Variants in DPYSL2 observed in about 807,000 individuals in gnomAD.
The protein encoded by DPYSL2 is dihydropyrimidinase-related protein 2.
In DPYSL2, 13 loss-of-function variants were observed where a neutral mutation model predicts 69.9. That is an observed-to-expected ratio of 0.19 (90% CI 0.12 to 0.30). The LOEUF (loss-of-function observed/expected upper bound fraction) is 0.30, where lower values mean the gene tolerates loss of function less well. Ranked by LOEUF, DPYSL2 falls within the 10% of genes least tolerant of loss-of-function variation. DPYSL2 has a pLI of 1.00. For synonymous variants in DPYSL2, 326 were observed against 359.1 expected, an observed-to-expected ratio of 0.91 and a Z score of 1.04; for missense variants, 587 against 918.9, an observed-to-expected ratio of 0.64 and a Z score of 4.67.
Position 26,516,523 on chromosome 8 carries a change from C to T in DPYSL2, c.354+1844C>T, listed in dbSNP as rs1263838556. Among the ~76,000 whole-genome samples the T allele has an allele frequency of 6.6e-6, 1 of 152,168 alleles. No individual in the cohort carries two copies. The highest frequency in any genetic ancestry group is 1.5e-5 in the Non-Finnish European group (1 of 68,026). The stretch of plus-strand genomic sequence containing the variant: ...GGCCCACCCCTATCATGAATTAGAA[C>T]TCAAGTTTGAAAGGCATAGTTTTAT... On this transcript the variant is annotated intron_variant, in intron 1 of 13. Coordinates refer to ENST00000521913, the MANE Select transcript of DPYSL2 (RefSeq NM_001197293.3). The surrounding 1 kb of genome is among the most constrained non-coding windows in gnomAD (Gnocchi z 4.8).
At position 26,560,119 on chromosome 8, in the gene DPYSL2, T is replaced by C. The variant is rs539172279; in HGVS notation, c.355-21850T>C. On this transcript the variant is annotated intron_variant, in intron 1 of 13. Coordinates refer to ENST00000521913, the MANE Select transcript of DPYSL2 (RefSeq NM_001197293.3). The surrounding 1 kb of genome is among the most constrained non-coding windows in gnomAD (Gnocchi z 4.4). The stretch of plus-strand genomic sequence containing the variant: ...ATGCAGATATGCTAAGCAGAGTTGG[T>C]TTAGCAGAAGACAGGGTGTAATAAT... 5.3e-4 allele frequency among the ~76,000 whole-genome samples: 80 copies of C among 152,302 alleles called. No homozygotes were observed. Among genetic ancestry groups the C allele is most frequent in the African/African-American group, 1.9e-3 (80 of 41,544 alleles).
rs1164186668 is a variant in DPYSL2, at chr8:26,609,591, C to T, written c.629-14552C>T. ...CTGTGGTCCCGTAGCCCCAGGCAAC[C>T]AAAAGCTGAGACAAACAGAGGAAGT... On this transcript the variant is annotated intron_variant, in intron 3 of 13. Coordinates refer to ENST00000521913, the MANE Select transcript of DPYSL2 (RefSeq NM_001197293.3). This position sits in a 1 kb window ranked among gnomAD's most constrained non-coding sequence, Gnocchi z 6.5. Among the ~76,000 whole-genome samples the T allele has an allele frequency of 2.0e-5, 3 of 152,282 alleles. No individual in the cohort carries two copies. In the East Asian group the frequency reaches 5.8e-4, roughly 29 times the overall value.
rs1315907323 is a variant in DPYSL2 at position 26,517,220 on chromosome 8, TG to T, written c.354+2544del. Among the ~76,000 whole-genome samples, 1 of 152,182 alleles carries T rather than the reference TG, an allele frequency of 6.6e-6. No homozygotes were observed. Among genetic ancestry groups the T allele is most frequent in the Non-Finnish European group, 1.5e-5 (1 of 68,022 alleles). On this transcript the variant is annotated intron_variant, in intron 1 of 13. Coordinates refer to ENST00000521913, the MANE Select transcript of DPYSL2 (RefSeq NM_001197293.3). This position sits in a 1 kb window ranked among gnomAD's most constrained non-coding sequence, Gnocchi z 4.2. ...GCCTGCTGTTCCCCTAACAAGGCTTTGGGAAGGGAGAGAATAGGCTTCCTTG... is the reference window on the plus strand; with the variant it reads ...GCCTGCTGTTCCCCTAACAAGGCTTTGGAAGGGAGAGAATAGGCTTCCTTG...
At chr8:26,573,484 C>G (rs373711212) in intron 1 of DPYSL2, among the ~76,000 whole-genome samples, 73 of 151,940 alleles carry the variant, frequency 4.8e-4, no homozygotes, top group African/African-American at 1.7e-3. Flanking sequence ...CTGGCAAACA[C>G]GGTGAAACCC....
Position 26,619,517 on chromosome 8 carries a change from G to C in DPYSL2, c.629-4626G>C, listed in dbSNP as rs187662050. On this transcript the variant is annotated intron_variant, in intron 3 of 13. Coordinates refer to ENST00000521913, the MANE Select transcript of DPYSL2 (RefSeq NM_001197293.3). The surrounding 1 kb of genome is among the most constrained non-coding windows in gnomAD (Gnocchi z 4.8). ...GATGATGCTGTTGTGTAGTAAACAG[G>C]CCCCTCGTGGTAAATGGAGAGCAGT... 1 of 152,196 alleles carries C rather than the reference G, an allele frequency of 6.6e-6. No individual in the cohort carries two copies. The highest frequency in any genetic ancestry group is 1.5e-5 in the Non-Finnish European group (1 of 68,064). The allele number at this position is 152,196 out of a possible 1,614,324, so 9.4% of individuals were successfully genotyped here. A position where few individuals can be genotyped will look rare whatever the true frequency, so the allele number is the denominator to read the frequency against.
rs564469201 is a variant in DPYSL2, at chr8:26,598,638, C to G, written c.628+14655C>G. Among the ~76,000 whole-genome samples, 1 of 152,132 alleles carries G rather than the reference C, an allele frequency of 6.6e-6. No individual in the cohort carries two copies. The highest frequency in any genetic ancestry group is 2.4e-5 in the African/African-American group (1 of 41,422). On this transcript the variant is annotated intron_variant, in intron 3 of 13. Coordinates refer to ENST00000521913, the MANE Select transcript of DPYSL2 (RefSeq NM_001197293.3). The surrounding 1 kb of genome is among the most constrained non-coding windows in gnomAD (Gnocchi z 4.2). ...TTTGAGGCATTTGATCATTTTTTCC[C>G]GTTAGCTTACAGCACAAAGTACTTT...
At chr8:26,530,301 G>A (rs1006047589) in intron 1 of DPYSL2, among the ~76,000 whole-genome samples, 1 of 152,144 alleles carries the variant, frequency 6.6e-6, no homozygotes, top group Non-Finnish European at 1.5e-5. Flanking sequence ...ACCCTGTGAC[G>A]CTGAGCACTG....
intron 7 of DPYSL2, among the ~76,000 whole-genome samples, chr8:26,633,874 C>T (rs1052590154): frequency 6.6e-6 from 1 of 152,256 alleles, no homozygotes. Context: ...CTGTGCTTCA[C>T]ACACAGGGGG....
intron 1 of DPYSL2, among the ~76,000 whole-genome samples, chr8:26,525,358 C>G (rs1314429218): frequency 6.6e-6 from 1 of 152,076 alleles, no homozygotes; most frequent in Non-Finnish European, 1.5e-5. Flanking sequence ...GTAGTTGGGA[C>G]TACAGGCACA....
At chr8:26,578,097 C>T in intron 1 of DPYSL2, 2 of 1,507,404 alleles carry the variant, frequency 1.3e-6, no homozygotes, top group Non-Finnish European at 1.8e-6. Flanking sequence ...CCGTTACGTT[C>T]TTGAAATTTC....
At chr8:26,555,698 A>G (rs1051025736) in intron 1 of DPYSL2, among the ~76,000 whole-genome samples, 5 of 151,560 alleles carry the variant, frequency 3.3e-5, no homozygotes, top group African/African-American at 1.2e-4. Flanking sequence ...CAGCCTGGGC[A>G]ACATGGGGAA....
At chr8:26,579,818 A>G (rs1801444810) in intron 1 of DPYSL2, among the ~76,000 whole-genome samples, 1 of 151,642 alleles carries the variant, frequency 6.6e-6, no homozygotes, top group Admixed American at 6.6e-5. Flanking sequence ...TGGAAAGCAG[A>G]TTTGCAGCAA....
In DPYSL2 at chr8:26,617,642, A is replaced by C. The variant is rs921852135; in HGVS notation, c.629-6501A>C. Among the ~76,000 whole-genome samples the C allele has an allele frequency of 1.3e-5, 2 of 152,218 alleles. No individual in the cohort carries two copies. The highest frequency in any genetic ancestry group is 2.9e-5 in the Non-Finnish European group (2 of 68,044). On this transcript the variant is annotated intron_variant, in intron 3 of 13. Coordinates refer to ENST00000521913, the MANE Select transcript of DPYSL2 (RefSeq NM_001197293.3). The surrounding 1 kb of genome is among the most constrained non-coding windows in gnomAD (Gnocchi z 4.7). Reference sequence around the variant, plus strand: ...TTTGCTAATATCCAAAATGCAGAACATTAGGGAACCGCTTGAGGCAGGAGG... The same window carrying C: ...TTTGCTAATATCCAAAATGCAGAACCTTAGGGAACCGCTTGAGGCAGGAGG...
At chr8:26,629,654 C>T (rs1264400818) in intron 7 of DPYSL2, among the ~76,000 whole-genome samples, 4 of 152,218 alleles carry the variant, frequency 2.6e-5, no homozygotes, top group East Asian at 1.9e-4. Flanking sequence ...ATGCTGAGAC[C>T]GTGGCTGGTG....
In DPYSL2 at chr8:26,564,290, C is replaced by T. The variant is rs370349499; in HGVS notation, c.355-17679C>T. 2.0e-5 allele frequency among the ~76,000 whole-genome samples: 3 copies of T among 152,064 alleles called. No homozygotes were observed. Among genetic ancestry groups the T allele is most frequent in the Non-Finnish European group, 4.4e-5 (3 of 68,026 alleles). On this transcript the variant is annotated intron_variant, in intron 1 of 13. Coordinates refer to ENST00000521913, the MANE Select transcript of DPYSL2 (RefSeq NM_001197293.3). The surrounding 1 kb of genome is among the most constrained non-coding windows in gnomAD (Gnocchi z 4.8). Reference sequence around the variant, plus strand: ...TGAGGAAGTGGAGGCCAGGAGTGTACGCTACCCATTCCTGAAGCTTAACCA... The same window carrying T: ...TGAGGAAGTGGAGGCCAGGAGTGTATGCTACCCATTCCTGAAGCTTAACCA...
intron 1 of DPYSL2, among the ~76,000 whole-genome samples, chr8:26,535,636 T>TA (rs201620604): frequency 0.057 from 8,049 of 141,686 alleles, 264 homozygotes; most frequent in Middle Eastern, 0.12. Context: ...TATATATATA[T>TA]TTTTTTTTTC....
chr8:26,639,453 G>A (rs913403750), intron 8 of DPYSL2, among the ~76,000 whole-genome samples: 1 of 152,128 alleles, frequency 6.6e-6, no homozygotes, highest in African/African-American at 2.4e-5. Flanking sequence ...GGTCTGCAAG[G>A]TTGGGAATTC....
chr8:26,539,627 C>T (rs562981012), intron 1 of DPYSL2, among the ~76,000 whole-genome samples: 6 of 152,258 alleles, frequency 3.9e-5, no homozygotes, highest in African/African-American at 1.4e-4. Flanking sequence ...GCAACCTCTG[C>T]CTCCTGGGTT....
At chr8:26,631,630 A>T (rs1368639036) in intron 7 of DPYSL2, among the ~76,000 whole-genome samples, 1 of 152,196 alleles carries the variant, frequency 6.6e-6, no homozygotes, top group Non-Finnish European at 1.5e-5. Flanking sequence ...CCAGCAACTG[A>T]TTATGGAGTC....
Sources: allele counts gnomAD v4.1 joint callset (sites outside exome capture counted in the v4.1 genomes callset), GRCh38; gene constraint gnomAD v4.1.1; non-coding constraint Gnocchi (gnomAD v3.1); transcripts MANE v1.5; gene names NCBI Gene and HGNC (gene_info 2026-07-23, HGNC 2026-07-21).